Variants in SSH2 observed in about 807,000 individuals in gnomAD.
SSH2 encodes the protein protein phosphatase Slingshot homolog 2.
Under a neutral mutation model 135.2 loss-of-function variants are expected in SSH2, and 37 were observed. The observed-to-expected ratio is 0.27, with a 90% confidence interval of 0.21 to 0.36. The LOEUF (loss-of-function observed/expected upper bound fraction) is 0.36, where lower values mean the gene tolerates loss of function less well. SSH2 is among the 10% of genes least tolerant of loss of function. SSH2 has a pLI of 1.00. For synonymous variants in SSH2, 628 were observed against 646.2 expected, an observed-to-expected ratio of 0.97 and a Z score of 0.43; for missense variants, 1,408 against 1,765.3, an observed-to-expected ratio of 0.80 and a Z score of 3.63.
chr17:29,689,920 G>A (rs561547162), intron 5 of SSH2, among the ~76,000 whole-genome samples: 37 of 145,902 alleles, frequency 2.5e-4, no homozygotes, highest in South Asian at 8.9e-4. Flanking sequence ...AGGCTGAGTC[G>A]TGAGAATCAG....
chr17:29,693,681 C>T (rs892578254), intron 5 of SSH2, among the ~76,000 whole-genome samples: 4 of 152,020 alleles, frequency 2.6e-5, no homozygotes, highest in African/African-American at 9.7e-5. Flanking sequence ...TATAATGTTA[C>T]TTTTGGTTAG....
At chr17:29,865,671 T>C (rs922950841) in intron 1 of SSH2, among the ~76,000 whole-genome samples, 4 of 152,182 alleles carry the variant, frequency 2.6e-5, no homozygotes, top group African/African-American at 7.2e-5. Context: ...ATTTAACCTA[T>C]AAAAGACAGA....
At chr17:29,818,901 CA>C (rs945534680) in intron 2 of SSH2, among the ~76,000 whole-genome samples, 28 of 137,820 alleles carry the variant, frequency 2.0e-4, no homozygotes, top group East Asian at 8.3e-4. Flanking sequence ...CACATCTCTA[CA>C]AAAAAAAAAA....
intron 5 of SSH2, among the ~76,000 whole-genome samples, chr17:29,693,209 A>C (rs192771807): frequency 2.8e-4 from 43 of 152,040 alleles, no homozygotes; most frequent in African/African-American, 1.0e-3. Flanking sequence ...TGGCCTCCCA[A>C]AGTGCTAGGA....
At chr17:29,886,086 G>A (rs1296157781) in intron 1 of SSH2, among the ~76,000 whole-genome samples, 1 of 152,192 alleles carries the variant, frequency 6.6e-6, no homozygotes, top group Non-Finnish European at 1.5e-5. Context: ...GGTTGGAACA[G>A]TTTCGAGGAC....
intron 4 of SSH2, among the ~76,000 whole-genome samples, chr17:29,699,267 A>T (rs2038885198): frequency 6.6e-6 from 1 of 151,764 alleles, no homozygotes; most frequent in Non-Finnish European, 1.5e-5. Context: ...CCCTTTTTTG[A>T]TTGCAAAATA....
At chr17:29,761,684 A>C (rs1461886017) in intron 3 of SSH2, among the ~76,000 whole-genome samples, 1 of 152,142 alleles carries the variant, frequency 6.6e-6, no homozygotes, top group Non-Finnish European at 1.5e-5. Flanking sequence ...TTTCAACAGA[A>C]AAGTCCTGCC....
At chr17:29,738,905 C>T (rs2040465762) in intron 3 of SSH2, among the ~76,000 whole-genome samples, 1 of 152,102 alleles carries the variant, frequency 6.6e-6, no homozygotes, top group South Asian at 2.1e-4. Context: ...ATACTAACTG[C>T]CTCAAAAGCA....
intron 12 of SSH2, among the ~76,000 whole-genome samples, chr17:29,654,808 T>G (rs1330934096): frequency 6.6e-6 from 1 of 152,176 alleles, no homozygotes; most frequent in Non-Finnish European, 1.5e-5. Context: ...GCTTGTCCAG[T>G]TCACAACCAT....
At chr17:29,851,697 A>G (rs1409105988) in intron 1 of SSH2, among the ~76,000 whole-genome samples, 1 of 152,042 alleles carries the variant, frequency 6.6e-6, no homozygotes, top group African/African-American at 2.4e-5. Context: ...CATCTTCATG[A>G]CAAAAAAAAA....
chr17:29,898,227 G>C (rs1383054312), intron 1 of SSH2, among the ~76,000 whole-genome samples: 2 of 152,080 alleles, frequency 1.3e-5, no homozygotes, highest in Admixed American at 6.6e-5. Context: ...AACTAGAGAA[G>C]CAAGAGCAAT....
At position 29,690,949 on chromosome 17, in the gene SSH2, CAT is replaced by C. The variant is rs910309169; in HGVS notation, c.357+4508_357+4509del. Reference sequence around the variant, plus strand: ...ACACACACACAGACACACACACACACATAGACACACACACTCTCTCTCTCATA... The same window carrying C: ...ACACACACACAGACACACACACACACAGACACACACACTCTCTCTCTCATA... On this transcript the variant is annotated intron_variant, in intron 5 of 15. Coordinates refer to ENST00000540801, the MANE Select transcript of SSH2 (RefSeq NM_001282129.2). 4.6e-5 allele frequency among the ~76,000 whole-genome samples: 7 copies of C among 151,808 alleles called. No individual in the cohort carries two copies. The East Asian group carries it at 7.7e-4, about 17-fold the overall frequency.
Position 29,667,196 on chromosome 17 carries a change from C to T in SSH2, c.837G>A (p.Arg279=). The T allele has an allele frequency of 6.2e-7, 1 of 1,612,342 alleles. No individual in the cohort carries two copies. Among genetic ancestry groups the T allele is most frequent in the Non-Finnish European group, 8.5e-7 (1 of 1,178,710 alleles). Residue 279 remains arginine (R), a synonymous_variant, in exon 10 of 16, where the codon AGG becomes AGA. Coordinates refer to ENST00000540801, the MANE Select transcript of SSH2 (RefSeq NM_001282129.2). ...DIPTERERTE[R]LIKTKLREIM... is the part of the protein sequence containing the mutation. ...TCTCCCTTAATTTGGTTTTAATTAG[C>T]CTTTCTGTTCGTTCACGTTCAGTAG...
intron 5 of SSH2, among the ~76,000 whole-genome samples, chr17:29,688,037 G>A (rs920915480): frequency 1.3e-5 from 2 of 150,704 alleles, no homozygotes; most frequent in African/African-American, 4.9e-5. Flanking sequence ...TCGAGATGGA[G>A]TCTCACTCTA....
At chr17:29,825,615 G>A (rs2042729281) in intron 2 of SSH2, among the ~76,000 whole-genome samples, 1 of 152,180 alleles carries the variant, frequency 6.6e-6, no homozygotes, top group African/African-American at 2.4e-5. Flanking sequence ...TCTGACAAGG[G>A]CTGTTAATTT....
At chr17:29,795,942 C>T (rs940270894) in intron 2 of SSH2, among the ~76,000 whole-genome samples, 1 of 152,158 alleles carries the variant, frequency 6.6e-6, no homozygotes, top group African/African-American at 2.4e-5. Flanking sequence ...GGGGTTTGGC[C>T]ATACTGGCCA....
chr17:29,694,273 T>C (rs1177348461), intron 5 of SSH2, among the ~76,000 whole-genome samples: 2 of 152,336 alleles, frequency 1.3e-5, no homozygotes, highest in South Asian at 2.1e-4. Flanking sequence ...TACTTTCCAA[T>C]TTCCACAAAG....
chr17:29,804,856 T>C (rs2042312211), intron 2 of SSH2, among the ~76,000 whole-genome samples: 1 of 149,256 alleles, frequency 6.7e-6, no homozygotes, highest in African/African-American at 2.5e-5. Flanking sequence ...TTTTTTTTTT[T>C]TTTTTTTTTT....
intron 3 of SSH2, among the ~76,000 whole-genome samples, chr17:29,777,289 A>G (rs183586812): frequency 6.2e-4 from 95 of 152,280 alleles, no homozygotes; most frequent in African/African-American, 2.3e-3. Context: ...TATACCTTAC[A>G]GCATCTATCT....
Sources: gnomAD v4.1 joint callset for allele counts (sites outside exome capture counted in the v4.1 genomes callset) on GRCh38, gnomAD v4.1.1 for gene constraint, MANE v1.5 for transcripts, NCBI Gene and HGNC (gene_info 2026-07-23, HGNC 2026-07-21) for gene names.